The following KCND2 variants were observed in gnomAD, a reference collection of about 807,000 sequenced individuals.
KCND2 encodes the protein A-type voltage-gated potassium channel KCND2.
Under a neutral mutation model 54.4 loss-of-function variants are expected in KCND2, and 16 were observed. The ratio of observed to expected loss-of-function variants is 0.29; its 90% CI spans 0.20 to 0.45. The LOEUF (loss-of-function observed/expected upper bound fraction) is 0.45. KCND2 is among the 20% of genes least tolerant of loss of function. The pLI is 1.00. For missense variants in KCND2, 486 were observed against 824.2 expected, an observed-to-expected ratio of 0.59 and a Z score of 5.02; for synonymous variants, 317 against 310.7, an observed-to-expected ratio of 1.02 and a Z score of -0.21.
chr7:120,563,256 GA>G (rs1372270022), intron 1 of KCND2, among the ~76,000 whole-genome samples: 1 of 151,538 alleles, frequency 6.6e-6, no homozygotes. Flanking sequence ...GAATAGTTTA[GA>G]AAAAAAATAC....
intron 1 of KCND2, among the ~76,000 whole-genome samples, chr7:120,452,226 T>C (rs1269702455): frequency 6.6e-6 from 1 of 152,222 alleles, no homozygotes; most frequent in African/African-American, 2.4e-5. Flanking sequence ...GTTCTGGTTC[T>C]TCCTTTCTGC....
At chr7:120,621,055 A>G (rs1029426243) in intron 1 of KCND2, among the ~76,000 whole-genome samples, 1 of 151,966 alleles carries the variant, frequency 6.6e-6, no homozygotes, top group African/African-American at 2.4e-5. Context: ...CGAGTGGATC[A>G]CGAGTTTAGG....
intron 1 of KCND2, among the ~76,000 whole-genome samples, chr7:120,690,158 A>G (rs1343433290): frequency 6.6e-6 from 1 of 152,226 alleles, no homozygotes; most frequent in Non-Finnish European, 1.5e-5. Context: ...TATTGGTTAA[A>G]TGACAAGCAT....
intron 1 of KCND2, among the ~76,000 whole-genome samples, chr7:120,426,588 G>GT (rs1168044122): frequency 0.11 from 11,040 of 96,608 alleles, 1,096 homozygotes; most frequent in Non-Finnish European, 0.13. Context: ...GTTTTTCTTT[G>GT]TTTTTTTTTT....
At position 120,356,584 on chromosome 7, in the gene KCND2, C is replaced by T. The variant is rs75248431; in HGVS notation, c.1115+80837C>T. 1.6e-3 allele frequency among the ~76,000 whole-genome samples: 236 copies of T among 152,104 alleles called. 2 individuals carry two copies. The highest frequency in any genetic ancestry group is 5.3e-3 in the African/African-American group (220 of 41,502). On this transcript the variant is annotated intron_variant, in intron 1 of 5. Transcript: ENST00000331113. ...CAGGGTAAAGGGGCCCAGTCTGGCC[C>T]ACTGTTGGGGTATAATCACATGTAG...
At chr7:120,448,281 T>C (rs1802048934) in intron 1 of KCND2, among the ~76,000 whole-genome samples, 1 of 151,922 alleles carries the variant, frequency 6.6e-6, no homozygotes, top group Non-Finnish European at 1.5e-5. Context: ...CATGCAGTGT[T>C]TGGTTTTCTG....
intron 1 of KCND2, among the ~76,000 whole-genome samples, chr7:120,300,605 ATTAAG>A (rs938117506): frequency 6.6e-6 from 1 of 152,134 alleles, no homozygotes; most frequent in Non-Finnish European, 1.5e-5. Context: ...TATATTCTTG[ATTAAG>A]TTATTTTTAT....
intron 1 of KCND2, among the ~76,000 whole-genome samples, chr7:120,459,636 A>G (rs1802253688): frequency 6.6e-6 from 1 of 152,222 alleles, no homozygotes; most frequent in Non-Finnish European, 1.5e-5. Context: ...TTCCTGGCAT[A>G]TAGTGAATAC....
chr7:120,399,011 A>G (rs62471556), intron 1 of KCND2, among the ~76,000 whole-genome samples: 15,521 of 151,766 alleles, frequency 0.1, 833 homozygotes, highest in Admixed American at 0.13. Context: ...GCTGAAGCCA[A>G]TCTCACCTTT....
rs115913608 is a variant in KCND2, at chr7:120,663,035, C to T, written c.1116-69868C>T. Among the ~76,000 whole-genome samples the T allele has an allele frequency of 4.6e-3, 707 of 152,262 alleles. 5 individuals are homozygous for T. Among genetic ancestry groups the T allele is most frequent in the African/African-American group, 0.016 (677 of 41,528 alleles). On this transcript the variant is annotated intron_variant, in intron 1 of 5. Transcript: ENST00000331113. Reference sequence around the variant, plus strand: ...AGCTCTCCAAATCCTCTGGGCCTGACCTCCGTTGCAACACAACAAGTGCCT... The same window carrying T: ...AGCTCTCCAAATCCTCTGGGCCTGATCTCCGTTGCAACACAACAAGTGCCT...
At chr7:120,509,095 A>T (rs802359) in intron 1 of KCND2, among the ~76,000 whole-genome samples, 17,532 of 151,956 alleles carry the variant, frequency 0.12, 1,591 homozygotes, top group East Asian at 0.49. Flanking sequence ...AGACTATATT[A>T]ATTTAAAACT....
intron 1 of KCND2, among the ~76,000 whole-genome samples, chr7:120,453,034 T>A (rs1802139827): frequency 6.6e-6 from 1 of 152,156 alleles, no homozygotes; most frequent in Non-Finnish European, 1.5e-5. Context: ...TGACTATGCC[T>A]GACCATTGGA....
intron 1 of KCND2, among the ~76,000 whole-genome samples, chr7:120,586,511 G>T (rs945316490): frequency 6.6e-6 from 1 of 152,128 alleles, no homozygotes; most frequent in African/African-American, 2.4e-5. Context: ...AATTGATCTT[G>T]CATCAAAAAT....
chr7:120,332,793 C>T (rs1800086885), intron 1 of KCND2, among the ~76,000 whole-genome samples: 1 of 152,060 alleles, frequency 6.6e-6, no homozygotes, highest in African/African-American at 2.4e-5. Context: ...TTAGATTAAT[C>T]AGTGACCTAC....
intron 1 of KCND2, among the ~76,000 whole-genome samples, chr7:120,399,931 G>C (rs1019581695): frequency 6.6e-6 from 1 of 151,926 alleles, no homozygotes; most frequent in African/African-American, 2.4e-5. Flanking sequence ...TGACCATGTT[G>C]CCCAGGCTGG....
At chr7:120,463,537 G>A (rs1802317891) in intron 1 of KCND2, among the ~76,000 whole-genome samples, 1 of 151,896 alleles carries the variant, frequency 6.6e-6, no homozygotes, top group Non-Finnish European at 1.5e-5. Context: ...AACATAAGTG[G>A]CATTTTTTTA....
chr7:120,733,106 C>T (rs1792828106), intron 2 of KCND2, 41 bp downstream of exon 2: 1 of 1,603,232 alleles, frequency 6.2e-7, no homozygotes, highest in African/African-American at 1.3e-5. Flanking sequence ...TAGCACTTCC[C>T]ACTTTTTATA....
chr7:120,460,674 A>G (rs1487421179), intron 1 of KCND2, among the ~76,000 whole-genome samples: 1 of 152,042 alleles, frequency 6.6e-6, no homozygotes. Context: ...AGAGATAAAA[A>G]CAGCTTGTGA....
chr7:120,648,458 G>A (rs1004100443), intron 1 of KCND2, among the ~76,000 whole-genome samples: 1 of 151,816 alleles, frequency 6.6e-6, no homozygotes, highest in Non-Finnish European at 1.5e-5. Flanking sequence ...GAAGAGGAGT[G>A]TAAAAAGGCA....
Sources: gnomAD v4.1 joint callset for allele counts (sites outside exome capture counted in the v4.1 genomes callset) on GRCh38, gnomAD v4.1.1 for gene constraint, MANE v1.5 for transcripts, NCBI Gene and HGNC (gene_info 2026-07-23, HGNC 2026-07-21) for gene names.